Variants in DSCAM observed in about 807,000 individuals in gnomAD.
The protein encoded by DSCAM is cell adhesion molecule DSCAM.
DSCAM carries 47 observed loss-of-function variants against 217.7 expected under a neutral mutation model. The observed-to-expected ratio is 0.22, with a 90% CI of 0.17 to 0.28. The LOEUF (loss-of-function observed/expected upper bound fraction) is 0.28. DSCAM is among the 10% of genes least tolerant of loss of function. DSCAM has a pLI of 1.00. For synonymous variants in DSCAM, 1,056 were observed against 1,015.3 expected (o/e 1.04, Z -0.76); for missense variants, 2,080 against 2,618.3 (o/e 0.79, Z 4.49).
chr21:40,374,963 A>C (rs1336470402), intron 3 of DSCAM, among the ~76,000 whole-genome samples: 1 of 152,218 alleles, frequency 6.6e-6, no homozygotes, highest in Non-Finnish European at 1.5e-5. Flanking sequence ...TATTATCTTC[A>C]GAAGTCTTTT....
At chr21:40,487,249 T>C (rs8131798) in intron 3 of DSCAM, among the ~76,000 whole-genome samples, 11 of 112,542 alleles carry the variant, frequency 9.8e-5, no homozygotes, top group East Asian at 2.4e-4. Flanking sequence ...CTCTCTCTCT[T>C]TCTCTCCCTC....
chr21:40,744,734 TA>T (rs774428704), intron 1 of DSCAM, among the ~76,000 whole-genome samples: 3 of 151,544 alleles, frequency 2.0e-5, no homozygotes, highest in Admixed American at 6.6e-5. Flanking sequence ...AAAAATTGTT[TA>T]AAAAAAACAA....
chr21:40,179,138 G>GT (rs1419746984), intron 14 of DSCAM, 44 bp from the exon 15 acceptor site: 33 of 1,124,560 alleles, frequency 2.9e-5, no homozygotes, highest in Non-Finnish European at 3.6e-5. Context: ...AGAGACGTGA[G>GT]TTTTTTTCCT....
intron 1 of DSCAM, among the ~76,000 whole-genome samples, chr21:40,825,474 C>T (rs1601316127): frequency 6.6e-6 from 1 of 152,042 alleles, no homozygotes; most frequent in Non-Finnish European, 1.5e-5. Context: ...CTTACCACCA[C>T]GCCCGGCTAA....
At chr21:40,067,336 C>T (rs920088594) in intron 27 of DSCAM, among the ~76,000 whole-genome samples, 1 of 152,190 alleles carries the variant, frequency 6.6e-6, no homozygotes, top group South Asian at 2.1e-4. Context: ...TCTAACACCT[C>T]TAATTTACAT....
chr21:40,169,393 A>G (rs1045421238), intron 15 of DSCAM, among the ~76,000 whole-genome samples: 3 of 152,198 alleles, frequency 2.0e-5, no homozygotes, highest in Non-Finnish European at 2.9e-5. Flanking sequence ...GCTATGGTCT[A>G]TAGAAAAGGG....
intron 25 of DSCAM, among the ~76,000 whole-genome samples, 159 bp from the exon 26 acceptor site, chr21:40,079,136 CT>C (rs1232305248): frequency 1.3e-5 from 2 of 152,216 alleles, no homozygotes; most frequent in African/African-American, 4.8e-5. Context: ...TTAATAGAGA[CT>C]TTATGGACCA....
At chr21:40,483,598 G>A (rs1472888318) in intron 3 of DSCAM, among the ~76,000 whole-genome samples, 1 of 152,020 alleles carries the variant, frequency 6.6e-6, no homozygotes, top group East Asian at 1.9e-4. Context: ...GTATAACGGA[G>A]GCATGTTATA....
rs2090829227 is a variant in DSCAM, at chr21:40,182,649, GTTACCAGAGAAACCGTGGACA to G, written c.2780-3576_2780-3556del. Among the ~76,000 whole-genome samples the G allele has an allele frequency of 4.7e-5, 6 of 126,616 alleles. 1 individual carries two copies. The highest frequency in any genetic ancestry group is 1.7e-4 in the African/African-American group (5 of 28,784). 83.1% of individuals were successfully genotyped at this position (126,616 alleles called of 152,430 possible). ...CCAGAGAAACCGTGGACAGGAGGGG[GTTACCAGAGAAACCGTGGACA>G]GGGGGGGGTTACCAGAGAAACCGTG... On this transcript the variant is annotated intron_variant, in intron 14 of 32. Coordinates refer to ENST00000400454, the MANE Select transcript of DSCAM (RefSeq NM_001389.5).
At chr21:40,088,678 T>C (rs555787268) in intron 21 of DSCAM, among the ~76,000 whole-genome samples, 6 of 152,330 alleles carry the variant, frequency 3.9e-5, no homozygotes, top group African/African-American at 1.2e-4. Flanking sequence ...AAAAAGGTCC[T>C]GATTAGGCAG....
chr21:40,182,669 C>CG (rs1568986503), intron 14 of DSCAM, among the ~76,000 whole-genome samples: 261 of 17,696 alleles, frequency 0.015, 4 homozygotes, highest in African/African-American at 0.024. Context: ...AAACCGTGGA[C>CG]AGGGGGGGGT....
rs181019403 is a variant in DSCAM at position 40,217,665 on chromosome 21, T to C, written c.2357-28427A>G. On this transcript the variant is annotated intron_variant, in intron 11 of 32. Transcript: ENST00000400454. ...TTCTCCACAACCTCTCCAGCATGTG[T>C]TATTTTTATACTTTTTAATAATAAA... Among the ~76,000 whole-genome samples the C allele has an allele frequency of 4.3e-3, 652 of 152,272 alleles. 14 individuals are homozygous for C. Among genetic ancestry groups the C allele is most frequent in the East Asian group, 0.037 (194 of 5,182 alleles).
At chr21:40,545,293 G>A (rs2076573031) in intron 3 of DSCAM, among the ~76,000 whole-genome samples, 1 of 152,124 alleles carries the variant, frequency 6.6e-6, no homozygotes, top group Non-Finnish European at 1.5e-5. Context: ...CCCAGACGAT[G>A]GTATTCTGTG....
At chr21:40,645,879 G>C (rs543915444) in intron 3 of DSCAM, among the ~76,000 whole-genome samples, 5 of 152,262 alleles carry the variant, frequency 3.3e-5, no homozygotes, top group African/African-American at 1.2e-4. Flanking sequence ...TATTTAAACT[G>C]TCTTGGGACA....
At chr21:40,555,567 A>T in intron 3 of DSCAM, among the ~76,000 whole-genome samples, 1 of 152,222 alleles carries the variant, frequency 6.6e-6, no homozygotes, top group Non-Finnish European at 1.5e-5. Context: ...TAACTTCCTC[A>T]TATAAAACGT....
intron 3 of DSCAM, among the ~76,000 whole-genome samples, chr21:40,488,246 A>C (rs1458291079): frequency 6.6e-6 from 1 of 152,224 alleles, no homozygotes; most frequent in Non-Finnish European, 1.5e-5. Context: ...CCCAGCAGCA[A>C]AGCCCTTCCT....
chr21:40,571,319 T>A (rs2076804823), intron 3 of DSCAM, among the ~76,000 whole-genome samples: 1 of 152,182 alleles, frequency 6.6e-6, no homozygotes, highest in African/African-American at 2.4e-5. Context: ...ATTCTTCTCA[T>A]AAATAAAATA....
intron 3 of DSCAM, among the ~76,000 whole-genome samples, chr21:40,600,789 T>C (rs1222993884): frequency 1.3e-5 from 2 of 152,218 alleles, no homozygotes; most frequent in Non-Finnish European, 2.9e-5. Context: ...GCATTATTTG[T>C]TGAAAAGACT....
intron 3 of DSCAM, among the ~76,000 whole-genome samples, chr21:40,640,531 G>A (rs1568957067): frequency 6.6e-6 from 1 of 152,174 alleles, no homozygotes; most frequent in Non-Finnish European, 1.5e-5. Flanking sequence ...TCCAGAGAAA[G>A]CAAACAGTGT....
Sources: allele counts gnomAD v4.1 joint callset (sites outside exome capture counted in the v4.1 genomes callset), GRCh38; gene constraint gnomAD v4.1.1; transcripts MANE v1.5; gene names NCBI Gene and HGNC (gene_info 2026-07-23, HGNC 2026-07-21).